STK32C: variants seen among roughly 807,000 people sequenced by gnomAD.
The protein encoded by STK32C is serine/threonine kinase 32C.
A neutral mutation model predicts 56.5 loss-of-function variants in STK32C; 31 were observed. That is an observed-to-expected ratio of 0.55 (90% CI 0.41 to 0.74). The LOEUF is 0.74. Ranked by LOEUF, STK32C falls within the 30% of genes least tolerant of loss-of-function variation. STK32C has a pLI of 0.00. For missense variants in STK32C, 544 were observed against 676.9 expected, an observed-to-expected ratio of 0.80 and a Z score of 2.18; for synonymous variants, 309 against 289.4, an observed-to-expected ratio of 1.07 and a Z score of -0.69.
At chr10:132,299,098 A>C (rs1382647583) in intron 1 of STK32C, among the ~76,000 whole-genome samples, 1 of 150,128 alleles carries the variant, frequency 6.7e-6, no homozygotes, top group Admixed American at 6.6e-5. Flanking sequence ...CAGCATGGAT[A>C]GCTGATCCAC....
At position 132,307,318 on chromosome 10, in the gene STK32C, C is replaced by T. The variant is rs1373989807; in HGVS notation, c.262+254G>A. 4 of 333,872 alleles carry T rather than the reference C, an allele frequency of 1.2e-5. No homozygotes were observed. Among genetic ancestry groups the T allele is most frequent in the Non-Finnish European group, 1.6e-5 (3 of 185,792 alleles). 20.7% of individuals were successfully genotyped at this position (333,872 alleles called of 1,614,324 possible). A position where few individuals can be genotyped will look rare whatever the true frequency, so the allele number is the denominator to read the frequency against. ...CGCAAGCCCGGAGACGCCACAGCCG[C>T]GGGGGACCCTCGCCCCGAGGGCCCG... On this transcript the variant is annotated intron_variant, in intron 1 of 11. Coordinates refer to ENST00000298630, the MANE Select transcript of STK32C (RefSeq NM_173575.4). The surrounding 1 kb of genome is among the most constrained non-coding windows in gnomAD (Gnocchi z 4.4).
At chr10:132,260,868 G>A (rs2064279663) in intron 1 of STK32C, among the ~76,000 whole-genome samples, 1 of 152,220 alleles carries the variant, frequency 6.6e-6, no homozygotes, top group African/African-American at 2.4e-5. Flanking sequence ...CCCAGCAGGA[G>A]CACAGGGGAC....
intron 1 of STK32C, among the ~76,000 whole-genome samples, chr10:132,296,823 G>A (rs921838024): frequency 2.0e-5 from 3 of 152,162 alleles, no homozygotes; most frequent in East Asian, 1.9e-4. Flanking sequence ...TGTCCCAGGC[G>A]ACCCCGGGGC....
upstream of STK32C, among the ~76,000 whole-genome samples, chr10:132,309,386 A>G (rs534922779): frequency 1.4e-3 from 206 of 151,674 alleles, no homozygotes; most frequent in African/African-American, 4.8e-3. Flanking sequence ...ACATGCACCC[A>G]CCTGGACATG....
Position 132,224,464 on chromosome 10 carries a change from G to A in STK32C, c.936C>T (p.Thr312=), listed in dbSNP as rs141959046. ...AVESLVQLFS[T]VSVQYVPTWS... The stretch of plus-strand genomic sequence containing the variant: ...ACGTGGGGACATACTGGACGCTCAC[G>A]GTGCTGAACAGCTGCACCAGGGACT... The change falls in exon 8 of 12, where the codon ACC becomes ACT. Residue 312 remains threonine, a synonymous_variant. Coordinates refer to ENST00000298630, the MANE Select transcript of STK32C (RefSeq NM_173575.4). 1.0e-4 allele frequency: 162 copies of A among 1,573,608 alleles called. No individual in the cohort carries two copies. The highest frequency in any genetic ancestry group is 1.5e-4 in the African/African-American group (11 of 74,210).
intron 10 of STK32C, among the ~76,000 whole-genome samples, chr10:132,221,478 T>C (rs1368984879): frequency 2.4e-5 from 3 of 123,708 alleles, no homozygotes; most frequent in African/African-American, 3.1e-5. Flanking sequence ...CGCACCTGGG[T>C]GAGTGTGAGG....
intron 1 of STK32C, chr10:132,248,967 A>T (rs2063787366): frequency 4.4e-6 from 2 of 456,920 alleles, no homozygotes; most frequent in Non-Finnish European, 8.8e-6. Context: ...AACAAAATCT[A>T]TTAAATAACA....
At chr10:132,248,080 A>G (rs1048774547) in intron 1 of STK32C, among the ~76,000 whole-genome samples, 31 of 48,974 alleles carry the variant, frequency 6.3e-4, no homozygotes, top group Non-Finnish European at 1.0e-3. Context: ...AAACCTATGC[A>G]CGCCCAGAGA....
At chr10:132,263,244 G>A (rs1281482770) in intron 1 of STK32C, among the ~76,000 whole-genome samples, 1 of 152,158 alleles carries the variant, frequency 6.6e-6, no homozygotes, top group Non-Finnish European at 1.5e-5. Flanking sequence ...ATACACCATG[G>A]CATATCACAC....
chr10:132,329,547 G>A (rs953796389), intron 1 of STK32C, among the ~76,000 whole-genome samples: 2 of 152,156 alleles, frequency 1.3e-5, no homozygotes, highest in Non-Finnish European at 2.9e-5. Context: ...AAGAAAATTA[G>A]AAATAGAGAC....
intron 1 of STK32C, among the ~76,000 whole-genome samples, chr10:132,314,830 T>C (rs1008928858): frequency 2.0e-5 from 3 of 152,156 alleles, no homozygotes; most frequent in Non-Finnish European, 2.9e-5. Flanking sequence ...ATACCTAACA[T>C]GCAGCCATAA....
chr10:132,314,423 C>T (rs1328675168), intron 1 of STK32C, among the ~76,000 whole-genome samples: 1 of 152,090 alleles, frequency 6.6e-6, no homozygotes, highest in African/African-American at 2.4e-5. Context: ...AGAGGAGATA[C>T]AATGTAACTA....
chr10:132,251,633 G>A (rs534661412), intron 1 of STK32C, among the ~76,000 whole-genome samples: 2 of 152,014 alleles, frequency 1.3e-5, no homozygotes, highest in Non-Finnish European at 2.9e-5. Flanking sequence ...GCTTCTGGGG[G>A]TTGAGCCCTG....
upstream of STK32C, among the ~76,000 whole-genome samples, chr10:132,309,793 G>A (rs1055010157): frequency 5.9e-5 from 9 of 152,148 alleles, no homozygotes; most frequent in Admixed American, 2.0e-4. Flanking sequence ...CCCAAAACAC[G>A]CAGCCTCTGA....
intron 1 of STK32C, among the ~76,000 whole-genome samples, chr10:132,296,243 T>C (rs1232024256): frequency 1.3e-5 from 2 of 151,456 alleles, no homozygotes; most frequent in East Asian, 1.9e-4. Flanking sequence ...AAAAGCAAGT[T>C]TGAGAAACGG....
chr10:132,304,946 C>T (rs1045905282), intron 1 of STK32C, among the ~76,000 whole-genome samples: 5 of 152,212 alleles, frequency 3.3e-5, no homozygotes, highest in Non-Finnish European at 7.3e-5. Context: ...GACCCCGAGA[C>T]GGGCGAGCGC....
chr10:132,232,895 C>A (rs930594349), intron 2 of STK32C, among the ~76,000 whole-genome samples: 2 of 152,240 alleles, frequency 1.3e-5, no homozygotes, highest in African/African-American at 4.8e-5. Flanking sequence ...CCAATTCAAC[C>A]AAATGCTGTT....
At chr10:132,276,461 A>G (rs993556308) in intron 1 of STK32C, among the ~76,000 whole-genome samples, 1 of 152,170 alleles carries the variant, frequency 6.6e-6, no homozygotes, top group Non-Finnish European at 1.5e-5. Context: ...AGGCACTCAG[A>G]GCATCTGCAT....
chr10:132,225,322 G>T lies in STK32C; in HGVS notation c.787C>A (p.His263Asn). ...TKPYMAPEIF[H>N]SFVNGGTGYS... ...CCGGTCCCGCCGTTGACAAAAGAGT[G>T]GAAGATCTCCGGAGCTTTCCGACAG... The change falls in exon 7 of 12, where the codon CAC (histidine) becomes AAC (asparagine). Residue 263 changes from histidine (H) to asparagine (N), a missense_variant. This residue lies in a region of STK32C where 277 missense variants were observed against 309.3 expected (regional missense o/e 0.90). Transcript: ENST00000298630. The T allele has an allele frequency of 6.2e-7, 1 of 1,611,092 alleles. No individual in the cohort carries two copies. The highest frequency in any genetic ancestry group is 8.5e-7 in the Non-Finnish European group (1 of 1,178,966).
Sources: gnomAD v4.1 joint callset for allele counts (sites outside exome capture counted in the v4.1 genomes callset) on GRCh38, gnomAD v4.1.1 for gene constraint, gnomAD v4.1.1 regional missense constraint, Gnocchi (gnomAD v3.1) non-coding constraint, MANE v1.5 for transcripts, NCBI Gene and HGNC (gene_info 2026-07-23, HGNC 2026-07-21) for gene names.